The following TNS3 variants were observed in gnomAD, a reference collection of about 807,000 sequenced individuals.
TNS3 encodes the protein tensin-3.
TNS3 carries 45 observed loss-of-function variants against 140.9 expected under a neutral mutation model. That is an observed-to-expected ratio of 0.32 (90% CI 0.25 to 0.41). The LOEUF is 0.41. Among genes scored for constraint, TNS3 ranks in the 10% least tolerant of loss-of-function variants. The pLI is 1.00. For synonymous variants in TNS3, 815 were observed against 788.4 expected, an observed-to-expected ratio of 1.03 and a Z score of -0.56; for missense variants, 1,716 against 1,906.7, an observed-to-expected ratio of 0.90 and a Z score of 1.86.
At chr7:47,479,419 C>T (rs1797329362) in intron 4 of TNS3, among the ~76,000 whole-genome samples, 1 of 152,188 alleles carries the variant, frequency 6.6e-6, no homozygotes, top group African/African-American at 2.4e-5. Context: ...AAATCAGTCA[C>T]AAACCGCAGC....
chr7:47,402,284 A>G (rs912312812), intron 13 of TNS3, among the ~76,000 whole-genome samples: 2 of 152,250 alleles, frequency 1.3e-5, no homozygotes, highest in Non-Finnish European at 1.5e-5. Flanking sequence ...GTTGACAAAC[A>G]TGACTGGGTC....
chr7:47,527,939 ATGTCCTATCAGT>A (rs1286320160), intron 2 of TNS3, among the ~76,000 whole-genome samples: 1 of 151,526 alleles, frequency 6.6e-6, no homozygotes, highest in Non-Finnish European at 1.5e-5. Flanking sequence ...GAATCACAGG[ATGTCCTATCAGT>A]TGGCTCAGAG....
intron 1 of TNS3, among the ~76,000 whole-genome samples, chr7:47,545,815 G>A (rs959826351): frequency 6.6e-6 from 1 of 152,194 alleles, no homozygotes; most frequent in Non-Finnish European, 1.5e-5. Context: ...CCACCTGGGG[G>A]CAGCCTGAGC....
chr7:47,506,124 C>G (rs367582023), intron 3 of TNS3, among the ~76,000 whole-genome samples: 1 of 152,188 alleles, frequency 6.6e-6, no homozygotes, highest in Admixed American at 6.5e-5. Flanking sequence ...ACCTACAGAG[C>G]CCCCATAGGC....
chr7:47,376,536 C>T (rs376988016), intron 16 of TNS3, among the ~76,000 whole-genome samples: 2 of 152,136 alleles, frequency 1.3e-5, no homozygotes, highest in Non-Finnish European at 2.9e-5. Flanking sequence ...AAGCAGGAAA[C>T]GGGAAGTCCA....
At chr7:47,467,335 A>G (rs1461547517) in intron 4 of TNS3, among the ~76,000 whole-genome samples, 1 of 152,260 alleles carries the variant, frequency 6.6e-6, no homozygotes, top group Non-Finnish European at 1.5e-5. Context: ...TACTCATCCA[A>G]TTAAACATGT....
chr7:47,300,036 T>C (rs761312654), intron 23 of TNS3, among the ~76,000 whole-genome samples: 3 of 152,246 alleles, frequency 2.0e-5, no homozygotes, highest in Non-Finnish European at 2.9e-5. Flanking sequence ...CTGAGGTATT[T>C]TTATGTTAGC....
At chr7:47,521,461 G>A (rs1291320279) in intron 2 of TNS3, among the ~76,000 whole-genome samples, 1 of 152,210 alleles carries the variant, frequency 6.6e-6, no homozygotes, top group Non-Finnish European at 1.5e-5. Context: ...CCTGTGCACA[G>A]GCATCTGGTG....
intron 2 of TNS3, among the ~76,000 whole-genome samples, 163 bp downstream of exon 2, chr7:47,528,873 T>C (rs557737555): frequency 6.3e-4 from 96 of 152,260 alleles, no homozygotes; most frequent in African/African-American, 2.2e-3. Context: ...TAAATACGGT[T>C]GGCCCCTGCT....
At chr7:47,373,170 A>G (rs1443332715) in intron 16 of TNS3, among the ~76,000 whole-genome samples, 1 of 152,176 alleles carries the variant, frequency 6.6e-6, no homozygotes, top group African/African-American at 2.4e-5. Flanking sequence ...CTTGAACTTC[A>G]GTCGGACAAA....
At chr7:47,524,880 G>A (rs1299814505) in intron 2 of TNS3, among the ~76,000 whole-genome samples, 4 of 149,984 alleles carry the variant, frequency 2.7e-5, no homozygotes, top group Non-Finnish European at 4.4e-5. Context: ...AAAGTAAGCT[G>A]TAGGGGAGGA....
chr7:47,334,019 C>T (rs562761787), intron 20 of TNS3, among the ~76,000 whole-genome samples: 4 of 152,224 alleles, frequency 2.6e-5, no homozygotes, highest in African/African-American at 9.6e-5. Flanking sequence ...AGGACCAGTG[C>T]CACTGGTACT....
intron 8 of TNS3, among the ~76,000 whole-genome samples, chr7:47,432,456 A>G (rs1023470653): frequency 2.6e-5 from 4 of 152,216 alleles, no homozygotes; most frequent in African/African-American, 4.8e-5. Context: ...TATAAATATT[A>G]ATATAAGAAA....
chr7:47,425,272 G>A (rs572975034), intron 9 of TNS3, among the ~76,000 whole-genome samples: 76 of 152,188 alleles, frequency 5.0e-4, no homozygotes, highest in Middle Eastern at 3.4e-3. Flanking sequence ...AGCAGAGATC[G>A]CACCATTGCA....
At chr7:47,498,249 C>T (rs1295514178) in intron 3 of TNS3, among the ~76,000 whole-genome samples, 1 of 152,258 alleles carries the variant, frequency 6.6e-6, no homozygotes, top group Non-Finnish European at 1.5e-5. Context: ...CCCTTGCCAA[C>T]AGCCTCCTAC....
intron 12 of TNS3, among the ~76,000 whole-genome samples, chr7:47,413,042 C>G (rs576762679): frequency 6.6e-6 from 1 of 152,158 alleles, no homozygotes; most frequent in East Asian, 1.9e-4. Context: ...CAACCTCTGC[C>G]TCTCAGGTTC....
intron 2 of TNS3, among the ~76,000 whole-genome samples, chr7:47,508,620 G>T (rs1798501038): frequency 6.6e-6 from 1 of 152,260 alleles, no homozygotes; most frequent in South Asian, 2.1e-4. Context: ...GCAGCGGTTA[G>T]CCTTCCAGAT....
intron 28 of TNS3, among the ~76,000 whole-genome samples, chr7:47,281,029 C>T (rs951146236): frequency 2.0e-5 from 3 of 152,174 alleles, no homozygotes; most frequent in South Asian, 4.1e-4. Context: ...AAACCACTAA[C>T]AGCCTCCAGG....
chr7:47,551,868 C>T (rs756321438), intron 1 of TNS3, among the ~76,000 whole-genome samples: 15 of 152,100 alleles, frequency 9.9e-5, no homozygotes, highest in Non-Finnish European at 1.6e-4. Context: ...CAGGGAATGA[C>T]GTCTGCTAAG....
Sources: gnomAD v4.1 joint callset for allele counts (sites outside exome capture counted in the v4.1 genomes callset) on GRCh38, gnomAD v4.1.1 for gene constraint, MANE v1.5 for transcripts, NCBI Gene and HGNC (gene_info 2026-07-23, HGNC 2026-07-21) for gene names.